The following JAKMIP2 variants were observed in gnomAD, a reference collection of about 807,000 sequenced individuals.
JAKMIP2 encodes the protein janus kinase and microtubule-interacting protein 2.
Under a neutral mutation model 115.0 loss-of-function variants are expected in JAKMIP2, and 25 were observed. The observed-to-expected ratio is 0.22, with a 90% CI of 0.16 to 0.30. JAKMIP2 has a LOEUF of 0.30. Ranked by LOEUF, JAKMIP2 falls within the 10% of genes least tolerant of loss-of-function variation. JAKMIP2 has a pLI of 1.00. For missense variants in JAKMIP2, 642 were observed against 957.6 expected, an observed-to-expected ratio of 0.67 and a Z score of 4.35; for synonymous variants, 334 against 343.6, an observed-to-expected ratio of 0.97 and a Z score of 0.31.
intron 1 of JAKMIP2, among the ~76,000 whole-genome samples, chr5:147,721,171 A>G (rs12656277): frequency 0.46 from 69,488 of 149,484 alleles, 17,391 homozygotes; most frequent in African/African-American, 0.66. Context: ...GGGGGTCAGG[A>G]GTCAGGGACC....
chr5:147,708,882 C>T (rs936564631), intron 1 of JAKMIP2, among the ~76,000 whole-genome samples: 3 of 152,096 alleles, frequency 2.0e-5, no homozygotes, highest in Non-Finnish European at 2.9e-5. Context: ...TGGGTGTGAA[C>T]GCAGGCCATT....
At chr5:147,686,044 T>C (rs1580780623) in intron 1 of JAKMIP2, among the ~76,000 whole-genome samples, 2 of 152,280 alleles carry the variant, frequency 1.3e-5, no homozygotes, top group East Asian at 1.9e-4. Context: ...ACAATGGCCA[T>C]GCTTTTGGCA....
intron 1 of JAKMIP2, among the ~76,000 whole-genome samples, chr5:147,781,121 A>T (rs1755741727): frequency 6.6e-6 from 1 of 152,202 alleles, no homozygotes; most frequent in Admixed American, 6.5e-5. Context: ...GCTACAAGCC[A>T]CACATTCTCC....
At chr5:147,775,706 G>T (rs1424884478) in intron 1 of JAKMIP2, among the ~76,000 whole-genome samples, 5 of 152,156 alleles carry the variant, frequency 3.3e-5, no homozygotes, top group Non-Finnish European at 4.4e-5. Flanking sequence ...TTAAAAGAAT[G>T]AGAATCACAG....
chr5:147,663,032 G>T (rs1436574802), intron 2 of JAKMIP2, among the ~76,000 whole-genome samples: 1 of 151,944 alleles, frequency 6.6e-6, no homozygotes, highest in African/African-American at 2.4e-5. Flanking sequence ...AAATTGGGGA[G>T]TCCCAGGAGT....
At chr5:147,614,210 G>T (rs1009049918) in intron 19 of JAKMIP2, among the ~76,000 whole-genome samples, 1 of 152,168 alleles carries the variant, frequency 6.6e-6, no homozygotes, top group Non-Finnish European at 1.5e-5. Flanking sequence ...TAAGGCACCA[G>T]TTAGTTCCCA....
chr5:147,639,104 C>T (rs1757759561), intron 10 of JAKMIP2, among the ~76,000 whole-genome samples: 1 of 152,068 alleles, frequency 6.6e-6, no homozygotes, highest in Admixed American at 6.6e-5. Context: ...ATCAGCTTTG[C>T]CATTTACTAT....
At chr5:147,728,669 GC>G (rs1753611528) in intron 1 of JAKMIP2, among the ~76,000 whole-genome samples, 1 of 152,190 alleles carries the variant, frequency 6.6e-6, no homozygotes, top group African/African-American at 2.4e-5. Context: ...AAAAACTAAT[GC>G]CTTTTAGTTC....
chr5:147,659,601 T>C (rs1246353554), intron 3 of JAKMIP2, among the ~76,000 whole-genome samples: 1 of 152,204 alleles, frequency 6.6e-6, no homozygotes, highest in Non-Finnish European at 1.5e-5. Flanking sequence ...TTATAGATTT[T>C]ATATTGAAAA....
At chr5:147,712,324 C>T (rs1343629308) in intron 1 of JAKMIP2, among the ~76,000 whole-genome samples, 12 of 151,642 alleles carry the variant, frequency 7.9e-5, no homozygotes, top group Admixed American at 5.9e-4. Context: ...TTTTTTGTAA[C>T]GAAGCAGTTT....
rs1313565699 is a variant in JAKMIP2 at position 147,632,671 on chromosome 5, T to C, written c.1776+9A>G. The C allele has an allele frequency of 4.0e-6, 6 of 1,518,444 alleles. No homozygotes were observed. Among genetic ancestry groups the C allele is most frequent in the Non-Finnish European group, 1.8e-6 (2 of 1,096,374 alleles). 94.1% of individuals were successfully genotyped at this position (1,518,444 alleles called of 1,614,324 possible). A position where few individuals can be genotyped will look rare whatever the true frequency, so the allele number is the denominator to read the frequency against. ...ATTATTTTTATTATTATCATCATCA[T>C]TTCCTTACTTCTAGCTCTAGGTTTC... is the stretch of plus-strand genomic sequence containing the variant. On this transcript the variant is annotated intron_variant, in intron 13 of 21. Coordinates refer to ENST00000616793, the MANE Select transcript of JAKMIP2 (RefSeq NM_001270941.2).
intron 3 of JAKMIP2, among the ~76,000 whole-genome samples, chr5:147,650,877 A>G (rs1041471146): frequency 6.6e-6 from 1 of 152,212 alleles, no homozygotes. Flanking sequence ...TTTAATAAAG[A>G]TGAACATTAA....
intron 1 of JAKMIP2, among the ~76,000 whole-genome samples, chr5:147,737,248 T>TA (rs1351218284): frequency 2.0e-5 from 3 of 152,254 alleles, no homozygotes; most frequent in Non-Finnish European, 4.4e-5. Context: ...AGTCTTGTTA[T>TA]AACTCTGCTC....
chr5:147,645,927 TCC>T (rs1385221242), intron 5 of JAKMIP2, among the ~76,000 whole-genome samples: 1 of 152,202 alleles, frequency 6.6e-6, no homozygotes, highest in African/African-American at 2.4e-5. Context: ...TTTAAAACAC[TCC>T]TTTTTGTATA....
rs763256629 is a variant in JAKMIP2 at position 147,591,680 on chromosome 5, G to A, written c.*27C>T. On this transcript the variant is annotated 3_prime_UTR_variant, in exon 22 of 22. Coordinates refer to ENST00000616793, the MANE Select transcript of JAKMIP2 (RefSeq NM_001270941.2). Reference sequence around the variant, plus strand: ...TTCCTGGGATCTTATCCATGTTTTCGGTTACTCTGCAAAACAGAGGAAAAA... The same window carrying A: ...TTCCTGGGATCTTATCCATGTTTTCAGTTACTCTGCAAAACAGAGGAAAAA... 2.5e-5 allele frequency: 40 copies of A among 1,590,216 alleles called. No individual in the cohort carries two copies. Among genetic ancestry groups the A allele is most frequent in the African/African-American group, 1.1e-4 (8 of 74,120 alleles).
At chr5:147,764,921 A>AGAAAGAAAGAAAGAAAGAAAGAAAGG (rs1755067580) in intron 1 of JAKMIP2, among the ~76,000 whole-genome samples, 1 of 65,430 alleles carries the variant, frequency 1.5e-5, no homozygotes, top group Non-Finnish European at 2.7e-5. Context: ...AAAGAAAGAA[A>AGAAAGAAAGAAAGAAAGAAAGAAAGG]GAGAGAGAGA....
intron 2 of JAKMIP2, 146 bp from the exon 3 acceptor site, chr5:147,661,591 C>T: frequency 1.3e-6 from 1 of 755,392 alleles, no homozygotes. Flanking sequence ...AAAAGAACTA[C>T]AGGCCTTGAA....
chr5:147,645,899 A>C (rs1245527499), intron 5 of JAKMIP2, among the ~76,000 whole-genome samples: 1 of 152,184 alleles, frequency 6.6e-6, no homozygotes, highest in Non-Finnish European at 1.5e-5. Context: ...GGGATTGTCA[A>C]TAGTCCTCCC....
intron 1 of JAKMIP2, among the ~76,000 whole-genome samples, chr5:147,724,494 C>T (rs960176773): frequency 6.6e-6 from 1 of 152,182 alleles, no homozygotes; most frequent in Non-Finnish European, 1.5e-5. Flanking sequence ...CAGCATTGGT[C>T]TAAGTGCCTT....
Sources: gnomAD v4.1 joint callset for allele counts (sites outside exome capture counted in the v4.1 genomes callset) on GRCh38, gnomAD v4.1.1 for gene constraint, MANE v1.5 for transcripts, NCBI Gene and HGNC (gene_info 2026-07-23, HGNC 2026-07-21) for gene names.